Variants in OR52N4 observed in about 807,000 individuals in gnomAD.
The protein encoded by OR52N4 is olfactory receptor family 52 subfamily N member 4.
OR52N4 carries 15 observed loss-of-function variants against 15.0 expected under a neutral mutation model. That is an observed-to-expected ratio of 1.00 (90% CI 0.67 to 1.54). OR52N4 has a LOEUF of 1.54. Among genes scored for constraint, OR52N4 ranks in the 40% most tolerant of loss-of-function variants. OR52N4 has a pLI of 0.00. For missense variants in OR52N4, 421 were observed against 394.0 expected (o/e 1.07, Z -0.58); for synonymous variants, 143 against 143.7 (o/e 1.00, Z 0.03).
At chr11:5,742,119 G>A in the OR52N4 span, among the ~76,000 whole-genome samples, 1 of 151,074 alleles carries the variant, frequency 6.6e-6, no homozygotes, top group Non-Finnish European at 1.5e-5. Context: ...GAACGAAAGA[G>A]AGAGAAAGAA....
chr11:5,736,775 A>T, the OR52N4 span: 1 of 1,613,950 alleles, frequency 6.2e-7, no homozygotes, highest in Admixed American at 1.7e-5. Context: ...CACTACTATC[A>T]TCCCTAAGAT....
At chr11:5,744,922 AAAAC>A in the OR52N4 span, among the ~76,000 whole-genome samples, 50 of 152,318 alleles carry the variant, frequency 3.3e-4, no homozygotes, top group South Asian at 6.2e-4. Context: ...CTCCATCTCA[AAAAC>A]AAACAAACAA....
upstream of OR52N4, among the ~76,000 whole-genome samples, chr11:5,749,801 A>G (rs1453626317): frequency 6.6e-6 from 1 of 152,004 alleles, no homozygotes; most frequent in Non-Finnish European, 1.5e-5. Flanking sequence ...ACAGAGTTTA[A>G]GAATGAGGTT....
the OR52N4 span, among the ~76,000 whole-genome samples, chr11:5,745,939 T>G: frequency 1.3e-5 from 2 of 152,130 alleles, no homozygotes; most frequent in East Asian, 3.8e-4. Flanking sequence ...CTTACCCAGC[T>G]TTGGTATAAA....
chr11:5,746,838 A>C, the OR52N4 span, among the ~76,000 whole-genome samples: 2 of 152,154 alleles, frequency 1.3e-5, no homozygotes, highest in Non-Finnish European at 2.9e-5. Flanking sequence ...ATCATTACAT[A>C]AAAAAGATAT....
upstream of OR52N4, among the ~76,000 whole-genome samples, chr11:5,752,141 T>C (rs1854204484): frequency 6.6e-6 from 1 of 152,150 alleles, no homozygotes; most frequent in Non-Finnish European, 1.5e-5. Flanking sequence ...ATTCTAATCA[T>C]GCTCCAGGTC....
chr11:5,752,643 G>T (rs1044109765), upstream of OR52N4, among the ~76,000 whole-genome samples: 6 of 152,010 alleles, frequency 3.9e-5, no homozygotes, highest in African/African-American at 9.7e-5. Flanking sequence ...TTTAATTTTT[G>T]TTATTATAAA....
chr11:5,736,919 A>G, the OR52N4 span: 1 of 1,613,916 alleles, frequency 6.2e-7, no homozygotes. Flanking sequence ...ATATGTGGCT[A>G]TTTGTCACCC....
the OR52N4 span, among the ~76,000 whole-genome samples, chr11:5,747,476 T>C: frequency 1.3e-5 from 2 of 152,010 alleles, no homozygotes; most frequent in Non-Finnish European, 2.9e-5. Context: ...AGTTAACATA[T>C]ATGTTAATTA....
the OR52N4 span, among the ~76,000 whole-genome samples, chr11:5,747,077 CAAAAAAAAAAAAA>C: frequency 3.1e-4 from 18 of 57,260 alleles, no homozygotes; most frequent in African/African-American, 1.0e-3. Flanking sequence ...GTAAAAATAC[CAAAAAAAAAAAAA>C]AAAAAAAAAA....
At chr11:5,741,726 G>C in the OR52N4 span, among the ~76,000 whole-genome samples, 1 of 152,150 alleles carries the variant, frequency 6.6e-6, no homozygotes, top group African/African-American at 2.4e-5. Context: ...GGGGGTGATA[G>C]ACCTTTGAAG....
the OR52N4 span, among the ~76,000 whole-genome samples, chr11:5,742,168 G>C: frequency 2.0e-5 from 3 of 152,036 alleles, no homozygotes; most frequent in East Asian, 3.9e-4. Context: ...CAGAAAAAAG[G>C]AAGGAAGGAA....
chr11:5,729,953 G>T, the OR52N4 span, among the ~76,000 whole-genome samples: 11 of 151,988 alleles, frequency 7.2e-5, no homozygotes, highest in Non-Finnish European at 1.0e-4. Context: ...CAGACTATCA[G>T]TTACTTCTTG....
chr11:5,752,311 T>C (rs973008048), upstream of OR52N4, among the ~76,000 whole-genome samples: 4 of 152,242 alleles, frequency 2.6e-5, no homozygotes, highest in African/African-American at 4.8e-5. Context: ...GTTTTTCTAC[T>C]ATTTTCAAAA....
At chr11:5,734,587 C>T in the OR52N4 span, among the ~76,000 whole-genome samples, 1 of 151,988 alleles carries the variant, frequency 6.6e-6, no homozygotes, top group South Asian at 2.1e-4. Context: ...TTTCTGTGAG[C>T]TCAAACATAC....
chr11:5,748,317 G>A, the OR52N4 span, among the ~76,000 whole-genome samples: 2 of 151,432 alleles, frequency 1.3e-5, no homozygotes, highest in African/African-American at 2.4e-5. Flanking sequence ...TATAAATACC[G>A]TTATGTTTTT....
chr11:5,730,858 C>T, the OR52N4 span, among the ~76,000 whole-genome samples: 2 of 151,536 alleles, frequency 1.3e-5, no homozygotes, highest in Non-Finnish European at 2.9e-5. Flanking sequence ...GGAAACTTCT[C>T]TTGCCTTTTT....
chr11:5,744,840 G>A, the OR52N4 span, among the ~76,000 whole-genome samples: 1 of 152,204 alleles, frequency 6.6e-6, no homozygotes, highest in Non-Finnish European at 1.5e-5. Flanking sequence ...AGGATCTCTT[G>A]AACCTGGGAG....
chr11:5,727,046 A>G, the OR52N4 span: 3 of 24,752 alleles, frequency 1.2e-4, no homozygotes, highest in African/African-American at 4.7e-4. Flanking sequence ...CACGTACTGT[A>G]CATGGCTGTG....
Sources: allele counts gnomAD v4.1 joint callset (sites outside exome capture counted in the v4.1 genomes callset), GRCh38; gene constraint gnomAD v4.1.1; transcripts MANE v1.5; gene names NCBI Gene and HGNC (gene_info 2026-07-23, HGNC 2026-07-21).